ZNF749: variants seen among roughly 807,000 people sequenced by gnomAD.
The protein encoded by ZNF749 is zinc finger protein 749.
In ZNF749, 8 loss-of-function variants were observed where a neutral mutation model predicts 7.3. The observed-to-expected ratio is 1.10, with a 90% CI of 0.64 to 1.98. The LOEUF (loss-of-function observed/expected upper bound fraction) is 1.98, where lower values mean the gene tolerates loss of function less well. Ranked by LOEUF, ZNF749 falls within the 30% of genes most tolerant of loss-of-function variation. The pLI is 0.00. For missense variants in ZNF749, 898 were observed against 932.4 expected (o/e 0.96, Z 0.48); for synonymous variants, 310 against 322.4 (o/e 0.96, Z 0.41).
intron 1 of ZNF749, chr19:57,438,078 A>G (rs1372092649): frequency 1.3e-5 from 5 of 398,662 alleles, no homozygotes; most frequent in Non-Finnish European, 2.2e-5. Flanking sequence ...CCTGATACTC[A>G]TGGCTTGCTT....
intron 1 of ZNF749, among the ~76,000 whole-genome samples, chr19:57,435,888 G>A (rs1317057538): frequency 6.6e-6 from 1 of 152,246 alleles, no homozygotes; most frequent in East Asian, 1.9e-4. Flanking sequence ...GAGCCGCAGA[G>A]AGCCATAGAG....
upstream of ZNF749, among the ~76,000 whole-genome samples, chr19:57,434,127 C>T (rs1429124138): frequency 1.3e-5 from 2 of 152,106 alleles, no homozygotes; most frequent in Non-Finnish European, 2.9e-5. Flanking sequence ...GACGGAGTTT[C>T]GCTCTTGTTG....
chr19:57,440,133 A>C (rs959536069), intron 1 of ZNF749, among the ~76,000 whole-genome samples: 1 of 152,062 alleles, frequency 6.6e-6, no homozygotes, highest in Non-Finnish European at 1.5e-5. Flanking sequence ...GAGAGTGGCC[A>C]TGAGATGGAT....
At chr19:57,432,939 C>A (rs2088906396), upstream of ZNF749, among the ~76,000 whole-genome samples, 1 of 152,082 alleles carries the variant, frequency 6.6e-6, no homozygotes, top group Non-Finnish European at 1.5e-5. Flanking sequence ...AAATGAAGAC[C>A]CAAATGAGAA....
Position 57,442,047 on chromosome 19 carries a change from G to A in ZNF749, c.142+36G>A. 2 of 1,602,286 alleles carry A rather than the reference G, an allele frequency of 1.2e-6. No homozygotes were observed. Among genetic ancestry groups the A allele is most frequent in the Non-Finnish European group, 1.7e-6 (2 of 1,173,914 alleles). On this transcript the variant is annotated intron_variant, in intron 2 of 2. Coordinates refer to ENST00000334181, the MANE Select transcript of ZNF749 (RefSeq NM_001023561.4). This position sits in a 1 kb window ranked among gnomAD's most constrained non-coding sequence, Gnocchi z 6.6. ...CATACCTACTCTGGTGTCTTGTGCT[G>A]GGTGCTGTTTTTTTGCTCTTTTCCA...
In ZNF749 at chr19:57,444,192, C is replaced by T; in HGVS notation, c.1044C>T (p.His348=). ...AACTCATCAGACATCAGAAAGTTCA[C>T]ACTGGGGAGAGGCGTTACGAGTGCA... ...NSKLIRHQKV[H]TGERRYECSE... The change falls in exon 3 of 3, where the codon CAC becomes CAT. Residue 348 remains histidine, a synonymous_variant. Transcript: ENST00000334181. The T allele has an allele frequency of 6.2e-7, 1 of 1,613,858 alleles. No homozygotes were observed. Among genetic ancestry groups the T allele is most frequent in the Non-Finnish European group, 8.5e-7 (1 of 1,179,970 alleles).
At position 57,446,504 on chromosome 19, in the gene ZNF749, G is replaced by A. The variant is rs375662601; in HGVS notation, c.*1019G>A. On this transcript the variant is annotated 3_prime_UTR_variant, in exon 3 of 3. Coordinates refer to ENST00000334181, the MANE Select transcript of ZNF749 (RefSeq NM_001023561.4). ...TTTTACTATAAATATCTCATATGAG[G>A]AAACTTAAGTTTTAGTCTTTTGTGA... Among the ~76,000 whole-genome samples the A allele has an allele frequency of 1.4e-3, 215 of 152,278 alleles. No individual in the cohort carries two copies. Among genetic ancestry groups the A allele is most frequent in the African/African-American group, 4.9e-3 (205 of 41,550 alleles).
intron 1 of ZNF749, 105 bp from the exon 2 acceptor site, chr19:57,441,780 G>C (rs2088992263): frequency 7.3e-7 from 1 of 1,373,576 alleles, no homozygotes; most frequent in Admixed American, 1.9e-5. Context: ...AACATTGGCT[G>C]TTAGTTTGGC....
At chr19:57,437,013 A>G (rs566718472) in intron 1 of ZNF749, among the ~76,000 whole-genome samples, 1 of 152,296 alleles carries the variant, frequency 6.6e-6, no homozygotes, top group African/African-American at 2.4e-5. Flanking sequence ...TTAAGGAAAA[A>G]AGAAGCAGTT....
upstream of ZNF749, among the ~76,000 whole-genome samples, chr19:57,433,813 G>A (rs781029979): frequency 6.6e-6 from 1 of 151,968 alleles, no homozygotes; most frequent in Non-Finnish European, 1.5e-5. Context: ...TGGTTTTCAG[G>A]TAGTATTGCC....
Position 57,444,812 on chromosome 19 carries a change from CT to C in ZNF749, c.1666del (p.Tyr556MetfsTer16), listed in dbSNP as rs755489746. ...QHKRIDLRPR[P>X]YVCSECGKAF... The stretch of plus-strand genomic sequence containing the variant: ...AAGAGGATTGACCTCAGGCCAAGGC[CT>C]TATGTGTGTAGTGAATGTGGGAAGG... On this transcript the variant is annotated frameshift_variant, in exon 3 of 3. Coordinates refer to ENST00000334181, the MANE Select transcript of ZNF749 (RefSeq NM_001023561.4). LOFTEE classifies it low-confidence loss of function (END_TRUNC). The C allele has an allele frequency of 1.1e-5, 17 of 1,614,092 alleles. No individual in the cohort carries two copies. The Admixed American group carries it at 1.5e-4, about 14-fold the overall frequency.
In ZNF749 at chr19:57,436,641, G is replaced by A. The variant is rs2088938977; in HGVS notation, c.15+1048G>A. Among the ~76,000 whole-genome samples the A allele has an allele frequency of 6.6e-6, 1 of 152,202 alleles. No homozygotes were observed. Among genetic ancestry groups the A allele is most frequent in the Admixed American group, 6.5e-5 (1 of 15,272 alleles). On this transcript the variant is annotated intron_variant, in intron 1 of 2. Transcript: ENST00000334181. The surrounding 1 kb of genome is among the most constrained non-coding windows in gnomAD (Gnocchi z 4.0). ...GCCACTCTTTAGGGAACAAGATAAG[G>A]CCATGCAGCAACTGGGTCCAAAACT...
upstream of ZNF749, among the ~76,000 whole-genome samples, chr19:57,431,678 A>G (rs991888078): frequency 2.6e-5 from 4 of 152,040 alleles, no homozygotes; most frequent in African/African-American, 9.7e-5. Context: ...AAAAAAAAAG[A>G]AAAAGAAGAT....
rs1022078203 is a variant in ZNF749 at position 57,442,873 on chromosome 19, T to C, written c.143-418T>C. ...CAGCCTTCATCTCTCCACCATTCTC[T>C]TCCACCTCTCCCTTTGCAGTGCTGT... On this transcript the variant is annotated intron_variant, in intron 2 of 2. Transcript: ENST00000334181. This position sits in a 1 kb window ranked among gnomAD's most constrained non-coding sequence, Gnocchi z 6.6. Among the ~76,000 whole-genome samples, 27 of 152,160 alleles carry C rather than the reference T, an allele frequency of 1.8e-4. No homozygotes were observed. The highest frequency in any genetic ancestry group is 6.5e-4 in the African/African-American group (27 of 41,438).
chr19:57,435,213 G>T (rs1221758318), upstream of ZNF749: 2 of 392,578 alleles, frequency 5.1e-6, no homozygotes, highest in Non-Finnish European at 9.4e-6. Context: ...GGGCGACACA[G>T]GCAGCAACGT....
chr19:57,435,260 G>A (rs1468389670), upstream of ZNF749: 8 of 516,438 alleles, frequency 1.5e-5, no homozygotes, highest in Admixed American at 3.4e-5. Flanking sequence ...GCGGGGGCAG[G>A]GCAGCGAGTG....
intron 1 of ZNF749, among the ~76,000 whole-genome samples, chr19:57,440,366 A>G (rs891240952): frequency 2.0e-4 from 30 of 151,314 alleles, no homozygotes; most frequent in African/African-American, 7.1e-4. Flanking sequence ...AAACATGTAC[A>G]TTGCAAAAGG....
In ZNF749 at chr19:57,442,938, G is replaced by A. The variant is rs112902949; in HGVS notation, c.143-353G>A. On this transcript the variant is annotated intron_variant, in intron 2 of 2. Coordinates refer to ENST00000334181, the MANE Select transcript of ZNF749 (RefSeq NM_001023561.4). The surrounding 1 kb of genome is among the most constrained non-coding windows in gnomAD (Gnocchi z 6.6). ...GTACTTTAGGTGTTATGAGGTCTGCGTGTATCCTTCAGTAGTCCATGAATA... is the reference window on the plus strand; with the variant it reads ...GTACTTTAGGTGTTATGAGGTCTGCATGTATCCTTCAGTAGTCCATGAATA... Among the ~76,000 whole-genome samples the A allele has an allele frequency of 2.5e-3, 384 of 152,242 alleles. No homozygotes were observed. The highest frequency in any genetic ancestry group is 3.4e-3 in the Admixed American group (52 of 15,292).
At chr19:57,443,115 C>T (rs992459711) in intron 2 of ZNF749, among the ~76,000 whole-genome samples, 176 bp from the exon 3 acceptor site, 3 of 152,222 alleles carry the variant, frequency 2.0e-5, no homozygotes, top group Non-Finnish European at 2.9e-5. Flanking sequence ...TCCCCCACTA[C>T]ACACACTTCA....
Sources: allele counts gnomAD v4.1 joint callset (sites outside exome capture counted in the v4.1 genomes callset), GRCh38; gene constraint gnomAD v4.1.1; non-coding constraint Gnocchi (gnomAD v3.1); transcripts MANE v1.5; gene names NCBI Gene and HGNC (gene_info 2026-07-23, HGNC 2026-07-21).